Variants in FKTN observed in about 807,000 individuals in gnomAD.
The protein encoded by FKTN is fukutin.
In FKTN, 47 loss-of-function variants were observed where a neutral mutation model predicts 58.6. That is an observed-to-expected ratio of 0.80 (90% CI 0.63 to 1.02). The LOEUF (loss-of-function observed/expected upper bound fraction) is 1.02. Among genes scored for constraint, FKTN ranks in the 50% least tolerant of loss-of-function variants. The pLI is 0.00. For missense variants in FKTN, 516 were observed against 537.3 expected (o/e 0.96, Z 0.39); for synonymous variants, 178 against 191.9 (o/e 0.93, Z 0.60).
intron 3 of FKTN, among the ~76,000 whole-genome samples, chr9:105,579,820 A>T (rs1197598767): frequency 6.8e-4 from 103 of 151,020 alleles, no homozygotes; most frequent in Middle Eastern, 3.4e-3. Context: ...TGTAGGTCAC[A>T]CAGGACTTGC....
chr9:105,586,950 G>T (rs1858744), intron 3 of FKTN, among the ~76,000 whole-genome samples: 1 of 152,066 alleles, frequency 6.6e-6, no homozygotes, highest in Non-Finnish European at 1.5e-5. Flanking sequence ...TTGCCAATCA[G>T]GTCCTAAAAC....
At chr9:105,571,121 C>T (rs1200407211) in intron 1 of FKTN, among the ~76,000 whole-genome samples, 1 of 152,120 alleles carries the variant, frequency 6.6e-6, no homozygotes, top group African/African-American at 2.4e-5. Context: ...ATTTATCTGT[C>T]AGCAACTTGA....
intron 9 of FKTN, 62 bp downstream of exon 9, chr9:105,618,154 A>C: frequency 7.5e-7 from 1 of 1,340,428 alleles, no homozygotes; most frequent in Non-Finnish European, 1.1e-6. Flanking sequence ...AGTTTACATT[A>C]AGCAACTCAG....
In FKTN at chr9:105,640,116, G is replaced by C; in HGVS notation, c.*4852G>C. ...TCTCAACTAGGCAAGAATCAGCAGG[G>C]TGCATGATGCCATTTTAAGCTGCTT... On this transcript the variant is annotated 3_prime_UTR_variant, in exon 11 of 11. Coordinates refer to ENST00000357998, the MANE Select transcript of FKTN (RefSeq NM_001079802.2). 2.0e-6 allele frequency: 3 copies of C among 1,535,208 alleles called. No individual in the cohort carries two copies. Among genetic ancestry groups the C allele is most frequent in the Non-Finnish European group, 2.6e-6 (3 of 1,146,522 alleles).
chr9:105,612,065 AT>A (rs1287789567), intron 7 of FKTN, among the ~76,000 whole-genome samples: 10 of 151,654 alleles, frequency 6.6e-5, no homozygotes, highest in Non-Finnish European at 1.3e-4. Flanking sequence ...TTTACTTGTT[AT>A]AGTAGCCACT....
At chr9:105,614,425 G>A (rs369203362) in intron 7 of FKTN, among the ~76,000 whole-genome samples, 2 of 152,192 alleles carry the variant, frequency 1.3e-5, no homozygotes, top group East Asian at 3.9e-4. Flanking sequence ...TCTACCCACT[G>A]GAGATATAAT....
At chr9:105,614,429 A>C (rs1016105137) in intron 7 of FKTN, among the ~76,000 whole-genome samples, 3 of 152,132 alleles carry the variant, frequency 2.0e-5, no homozygotes, top group Non-Finnish European at 2.9e-5. Flanking sequence ...CCCACTGGAG[A>C]TATAATGATA....
At chr9:105,583,543 T>C (rs1371555543) in intron 3 of FKTN, among the ~76,000 whole-genome samples, 2 of 152,238 alleles carry the variant, frequency 1.3e-5, no homozygotes, top group African/African-American at 4.8e-5. Context: ...TTTGTGTCTT[T>C]CATATATGTT....
intron 3 of FKTN, among the ~76,000 whole-genome samples, chr9:105,578,822 C>T (rs1485788695): frequency 6.6e-6 from 1 of 151,732 alleles, no homozygotes; most frequent in Non-Finnish European, 1.5e-5. Flanking sequence ...GGTTGGTAAG[C>T]TATTAATTAT....
chr9:105,592,877 C>A (rs1845154373), intron 3 of FKTN, among the ~76,000 whole-genome samples: 1 of 152,172 alleles, frequency 6.6e-6, no homozygotes, highest in African/African-American at 2.4e-5. Flanking sequence ...TTCAACAAGT[C>A]TCTAGGAAGT....
intron 3 of FKTN, among the ~76,000 whole-genome samples, chr9:105,589,982 T>C (rs753739389): frequency 3.3e-5 from 5 of 152,210 alleles, no homozygotes; most frequent in Non-Finnish European, 7.3e-5. Flanking sequence ...GTAAGGACTT[T>C]GACCTTTTAT....
intron 1 of FKTN, among the ~76,000 whole-genome samples, chr9:105,566,827 G>T (rs976681008): frequency 3.3e-5 from 5 of 152,016 alleles, no homozygotes; most frequent in Non-Finnish European, 5.9e-5. Context: ...CCAAAGCCTG[G>T]CAGAGACATA....
chr9:105,576,528 T>C (rs1405369908), intron 3 of FKTN, among the ~76,000 whole-genome samples: 1 of 147,474 alleles, frequency 6.8e-6, no homozygotes, highest in Admixed American at 6.8e-5. Flanking sequence ...TAGTATTCCA[T>C]GGTGTATATG....
intron 4 of FKTN, among the ~76,000 whole-genome samples, chr9:105,599,237 A>G (rs1362064955): frequency 1.3e-5 from 2 of 152,110 alleles, no homozygotes; most frequent in African/African-American, 4.8e-5. Flanking sequence ...TATTGAAATT[A>G]TCATAGTTTT....
At chr9:105,633,302 T>A (rs1400867846) in intron 10 of FKTN, 1 of 152,248 alleles carries the variant, frequency 6.6e-6, no homozygotes, top group African/African-American at 2.4e-5. Context: ...AAATTTGTAG[T>A]ATTCCCTTTC....
intron 1 of FKTN, among the ~76,000 whole-genome samples, chr9:105,571,083 T>G (rs1840656393): frequency 6.6e-6 from 1 of 152,160 alleles, no homozygotes; most frequent in Admixed American, 6.6e-5. Flanking sequence ...AGGGAACTAT[T>G]GAAAAGTTTT....
chr9:105,593,177 A>G (rs1048418557), intron 3 of FKTN, among the ~76,000 whole-genome samples: 12 of 152,222 alleles, frequency 7.9e-5, no homozygotes, highest in Admixed American at 7.2e-4. Context: ...ACTTAGAATC[A>G]TGGCAGAAGG....
intron 3 of FKTN, among the ~76,000 whole-genome samples, chr9:105,589,250 C>T (rs1844428308): frequency 6.6e-6 from 1 of 152,276 alleles, no homozygotes; most frequent in East Asian, 1.9e-4. Flanking sequence ...GTAATCCCAG[C>T]ATTTTTGGAG....
Position 105,579,048 on chromosome 9 carries a change from T to G in FKTN, c.105+3911T>G, listed in dbSNP as rs561045501. ...GTTTTTTATTGCGTCTATTTCATTC[T>G]TCTCTCTTTTCTTCTTTATTAGTCT... On this transcript the variant is annotated intron_variant, in intron 3 of 10. Coordinates refer to ENST00000357998, the MANE Select transcript of FKTN (RefSeq NM_001079802.2). 4.6e-5 allele frequency among the ~76,000 whole-genome samples: 7 copies of G among 152,068 alleles called. No homozygotes were observed. In the South Asian group the frequency reaches 1.2e-3, roughly 27 times the overall value.
Sources: allele counts gnomAD v4.1 joint callset (sites outside exome capture counted in the v4.1 genomes callset), GRCh38; gene constraint gnomAD v4.1.1; transcripts MANE v1.5; gene names NCBI Gene and HGNC (gene_info 2026-07-23, HGNC 2026-07-21).